The following GRIK1 variants were observed in gnomAD, a reference collection of about 807,000 sequenced individuals.
The protein encoded by GRIK1 is glutamate receptor ionotropic, kainate 1.
A neutral mutation model predicts 105.7 loss-of-function variants in GRIK1; 69 were observed. That is an observed-to-expected ratio of 0.65 (90% CI 0.54 to 0.80). The LOEUF (loss-of-function observed/expected upper bound fraction) is 0.80. Ranked by LOEUF, GRIK1 falls within the 30% of genes least tolerant of loss-of-function variation. The probability of loss-of-function intolerance (pLI) is 0.00; values close to 1 mark genes in which losing one functional copy is unlikely to be tolerated. For missense variants in GRIK1, 1,109 were observed against 1,167.3 expected, an observed-to-expected ratio of 0.95 and a Z score of 0.73; for synonymous variants, 438 against 431.3, an observed-to-expected ratio of 1.02 and a Z score of -0.19.
At chr21:29,818,050 C>A (rs1266335246) in intron 1 of GRIK1, among the ~76,000 whole-genome samples, 1 of 151,958 alleles carries the variant, frequency 6.6e-6, no homozygotes, top group Non-Finnish European at 1.5e-5. Context: ...CAACTCAGGA[C>A]CATTTAACTC....
At chr21:29,770,795 C>T (rs930318416) in intron 1 of GRIK1, among the ~76,000 whole-genome samples, 15 of 152,172 alleles carry the variant, frequency 9.9e-5, no homozygotes, top group African/African-American at 3.4e-4. Context: ...TCTCAAAATG[C>T]TTTCATGAGA....
Position 29,625,538 on chromosome 21 carries a change from G to A in GRIK1, c.1098+17288C>T, listed in dbSNP as rs1392102181. 2.6e-5 allele frequency among the ~76,000 whole-genome samples: 4 copies of A among 152,092 alleles called. No homozygotes were observed. In the East Asian group the frequency reaches 7.7e-4, roughly 29 times the overall value. On this transcript the variant is annotated intron_variant, in intron 7 of 17. Transcript: ENST00000327783. ...GCCACTCTCCAATTCATCCTCCAAAGCTGAGGCCAACCCTCATGTCCTCTG... is the reference window on the plus strand; with the variant it reads ...GCCACTCTCCAATTCATCCTCCAAAACTGAGGCCAACCCTCATGTCCTCTG...
At chr21:29,569,468 C>T (rs532234702) in intron 14 of GRIK1, among the ~76,000 whole-genome samples, 14 of 152,126 alleles carry the variant, frequency 9.2e-5, no homozygotes, top group Non-Finnish European at 1.9e-4. Flanking sequence ...TGTAGTAGAA[C>T]CCAGGCTCTC....
intron 16 of GRIK1, among the ~76,000 whole-genome samples, chr21:29,541,405 G>A (rs1246799961): frequency 6.6e-6 from 1 of 152,132 alleles, no homozygotes; most frequent in Non-Finnish European, 1.5e-5. Context: ...TATGTATAAA[G>A]TGAGACAATA....
chr21:29,672,882 G>T, intron 4 of GRIK1, 101 bp downstream of exon 4: 1 of 803,670 alleles, frequency 1.2e-6, no homozygotes, highest in Non-Finnish European at 2.0e-6. Flanking sequence ...CGGGACTGCT[G>T]CAGTTTTATT....
chr21:29,667,466 G>T (rs1436590704), intron 4 of GRIK1, among the ~76,000 whole-genome samples: 1 of 152,108 alleles, frequency 6.6e-6, no homozygotes, highest in African/African-American at 2.4e-5. Flanking sequence ...GTGGGTTGGG[G>T]GTGGAGAAAA....
At chr21:29,548,911 A>G (rs1163270303) in intron 16 of GRIK1, among the ~76,000 whole-genome samples, 1 of 152,248 alleles carries the variant, frequency 6.6e-6, no homozygotes, top group African/African-American at 2.4e-5. Context: ...TTTAAAACAA[A>G]GTAAAATATA....
chr21:29,818,567 T>G (rs2067215822), intron 1 of GRIK1, among the ~76,000 whole-genome samples: 1 of 152,108 alleles, frequency 6.6e-6, no homozygotes, highest in African/African-American at 2.4e-5. Flanking sequence ...GCCTCCCAGC[T>G]TGCTCATATC....
chr21:29,867,882 GAGAA>G (rs201095213), intron 1 of GRIK1, among the ~76,000 whole-genome samples: 297 of 16,098 alleles, frequency 0.018, 8 homozygotes, highest in African/African-American at 0.072. Flanking sequence ...GAGAAAGAGA[GAGAA>G]AGAGAGAGAG....
intron 1 of GRIK1, among the ~76,000 whole-genome samples, chr21:29,703,453 T>C (rs1364606700): frequency 6.7e-6 from 1 of 150,278 alleles, no homozygotes; most frequent in East Asian, 2.0e-4. Flanking sequence ...GCCTCTCTAT[T>C]GCCACATCCA....
chr21:29,915,800 T>C (rs458956), intron 1 of GRIK1, among the ~76,000 whole-genome samples: 33,483 of 151,870 alleles, frequency 0.22, 4,214 homozygotes, highest in African/African-American at 0.34. Context: ...GTGTCATATA[T>C]ATGAAGTGCC....
At chr21:29,921,520 G>T (rs905653058) in intron 1 of GRIK1, among the ~76,000 whole-genome samples, 1 of 152,044 alleles carries the variant, frequency 6.6e-6, no homozygotes, top group Non-Finnish European at 1.5e-5. Context: ...AAATACACCA[G>T]ACTTATAACA....
intron 5 of GRIK1, among the ~76,000 whole-genome samples, chr21:29,652,789 C>A (rs1324822059): frequency 6.6e-6 from 1 of 152,210 alleles, no homozygotes. Context: ...TCTGAAAGTG[C>A]ATTGCAAGAC....
chr21:29,923,559 G>A (rs975842241), intron 1 of GRIK1, among the ~76,000 whole-genome samples: 1 of 152,094 alleles, frequency 6.6e-6, no homozygotes, highest in East Asian at 1.9e-4. Context: ...AGAAAAAAAG[G>A]CAAGAAATTG....
intron 1 of GRIK1, among the ~76,000 whole-genome samples, chr21:29,792,009 G>T (rs1202013212): frequency 1.3e-5 from 2 of 151,982 alleles, no homozygotes; most frequent in Non-Finnish European, 2.9e-5. Context: ...TAGAATTTTT[G>T]ATAAAAAAGT....
At chr21:29,898,580 G>C (rs2070264481) in intron 1 of GRIK1, among the ~76,000 whole-genome samples, 1 of 152,186 alleles carries the variant, frequency 6.6e-6, no homozygotes, top group African/African-American at 2.4e-5. Flanking sequence ...TTAAAAATTA[G>C]TATGTTTGGT....
At chr21:29,848,779 A>ATATATATT in intron 1 of GRIK1, among the ~76,000 whole-genome samples, 2,743 of 77,710 alleles carry the variant, frequency 0.035, 90 homozygotes, top group East Asian at 0.072. Context: ...ATATATATAT[A>ATATATATT]TTTTTTTTTT....
intron 1 of GRIK1, among the ~76,000 whole-genome samples, chr21:29,807,519 A>C: frequency 6.6e-6 from 1 of 152,130 alleles, no homozygotes; most frequent in Non-Finnish European, 1.5e-5. Context: ...TCCTTCCTTC[A>C]TATAGCCAGT....
At chr21:29,791,319 A>AG (rs556465361) in intron 1 of GRIK1, among the ~76,000 whole-genome samples, 14 of 152,166 alleles carry the variant, frequency 9.2e-5, no homozygotes, top group African/African-American at 2.9e-4. Flanking sequence ...GGAGAAGAGG[A>AG]GGAAAAAAAA....
Sources: allele counts gnomAD v4.1 joint callset (sites outside exome capture counted in the v4.1 genomes callset), GRCh38; gene constraint gnomAD v4.1.1; transcripts MANE v1.5; gene names NCBI Gene and HGNC (gene_info 2026-07-23, HGNC 2026-07-21).